Variants in LNX1 observed in about 807,000 individuals in gnomAD.
LNX1 encodes the protein E3 ubiquitin-protein ligase LNX.
LNX1 carries 54 observed loss-of-function variants against 68.4 expected under a neutral mutation model. The ratio of observed to expected loss-of-function variants is 0.79; its 90% CI spans 0.63 to 0.99. The LOEUF (loss-of-function observed/expected upper bound fraction) is 0.99. LNX1 is among the 50% of genes least tolerant of loss of function. The pLI is 0.00. For synonymous variants in LNX1, 336 were observed against 350.0 expected, an observed-to-expected ratio of 0.96 and a Z score of 0.45; for missense variants, 906 against 926.4, an observed-to-expected ratio of 0.98 and a Z score of 0.29.
chr4:53,468,717 C>T (rs1427055466), intron 9 of LNX1, among the ~76,000 whole-genome samples: 2 of 152,062 alleles, frequency 1.3e-5, no homozygotes, highest in Non-Finnish European at 2.9e-5. Context: ...AGACTTTAAA[C>T]CAACAAAGAT....
chr4:53,584,739 C>T (rs1274465841), intron 1 of LNX1, among the ~76,000 whole-genome samples: 1 of 152,166 alleles, frequency 6.6e-6, no homozygotes, highest in African/African-American at 2.4e-5. Context: ...CTTAGATTTT[C>T]ACCAAGTAGA....
intron 2 of LNX1, among the ~76,000 whole-genome samples, chr4:53,564,992 G>C (rs1207493953): frequency 6.6e-6 from 1 of 152,176 alleles, no homozygotes; most frequent in African/African-American, 2.4e-5. Context: ...TGGCTCGGAG[G>C]GTCCTACCCC....
intron 2 of LNX1, among the ~76,000 whole-genome samples, chr4:53,541,136 C>CAAA (rs72599381): frequency 8.3e-5 from 2 of 24,112 alleles, no homozygotes; most frequent in Non-Finnish European, 2.2e-4. Flanking sequence ...GACTCTAACT[C>CAAA]AAAAAAAAAA....
chr4:53,591,409 G>A lies in LNX1; in HGVS notation c.-108C>T. On this transcript the variant is annotated 5_prime_UTR_variant, in exon 1 of 11. Coordinates refer to ENST00000263925, the MANE Select transcript of LNX1 (RefSeq NM_001126328.3). ...TCACCTCTTCAAGCGACTGTCTGGG[G>A]CTCTCCAAGCAGCAGCAGGCAGGCA... The A allele has an allele frequency of 1.0e-6, 1 of 985,740 alleles. No homozygotes were observed. Among genetic ancestry groups the A allele is most frequent in the Non-Finnish European group, 1.2e-6 (1 of 830,236 alleles). 61.1% of individuals were successfully genotyped at this position (985,740 alleles called of 1,614,324 possible).
chr4:53,649,839 G>T lies in LNX1; in HGVS notation c.-215+2329C>A, dbSNP rs1326463919. ...GTCTGCTTCCCACAGTGGACTGGGA[G>T]TTCCTTGAGGGTGGTGACTAAGGTT... On this transcript the variant is annotated intron_variant, in intron 1 of 2. Transcript: ENST00000507168. Among the ~76,000 whole-genome samples, 3 of 152,326 alleles carry T rather than the reference G, an allele frequency of 2.0e-5. No homozygotes were observed. In the East Asian group the frequency reaches 5.8e-4, roughly 29 times the overall value.
At chr4:53,584,069 A>G (rs1486418347) in intron 1 of LNX1, among the ~76,000 whole-genome samples, 1 of 152,234 alleles carries the variant, frequency 6.6e-6, no homozygotes, top group Non-Finnish European at 1.5e-5. Context: ...TCAGAGGGGT[A>G]TGGAAAAGAA....
intron 2 of LNX1, among the ~76,000 whole-genome samples, chr4:53,529,675 A>G (rs1482672564): frequency 3.3e-5 from 5 of 152,114 alleles, no homozygotes; most frequent in African/African-American, 1.2e-4. Flanking sequence ...AGTGTGAGAG[A>G]GTCAGGAGGA....
chr4:53,626,661 C>T (rs1282449533), intron 1 of LNX1, among the ~76,000 whole-genome samples: 2 of 152,100 alleles, frequency 1.3e-5, no homozygotes, highest in African/African-American at 4.8e-5. Flanking sequence ...TCTTCTCATT[C>T]AAAAGTTATT....
intron 6 of LNX1, among the ~76,000 whole-genome samples, chr4:53,493,590 C>G (rs937422928): frequency 6.6e-6 from 1 of 152,204 alleles, no homozygotes; most frequent in African/African-American, 2.4e-5. Context: ...CAGCACCTAC[C>G]TGAAAGAATC....
intron 2 of LNX1, among the ~76,000 whole-genome samples, chr4:53,597,943 T>A (rs1304008872): frequency 6.6e-6 from 1 of 152,160 alleles, no homozygotes; most frequent in African/African-American, 2.4e-5. Context: ...ATTGCCTAGA[T>A]CAATGTTATG....
At chr4:53,625,344 A>G (rs886724221) in intron 1 of LNX1, among the ~76,000 whole-genome samples, 2 of 152,242 alleles carry the variant, frequency 1.3e-5, no homozygotes, top group African/African-American at 4.8e-5. Context: ...TATGTTCACA[A>G]TATATACAGA....
chr4:53,545,714 T>A (rs1041270130), intron 2 of LNX1, among the ~76,000 whole-genome samples: 2 of 152,034 alleles, frequency 1.3e-5, no homozygotes, highest in African/African-American at 4.8e-5. Flanking sequence ...GATTTAAGGA[T>A]GAGAGGCTTG....
chr4:53,550,769 C>G (rs1407631712), intron 2 of LNX1, among the ~76,000 whole-genome samples: 2 of 152,136 alleles, frequency 1.3e-5, no homozygotes, highest in African/African-American at 4.8e-5. Context: ...GGCCCAATAC[C>G]TGGCCCAGGT....
At chr4:53,575,393 G>T (rs190501904) in intron 1 of LNX1, 1 of 535,440 alleles carries the variant, frequency 1.9e-6, no homozygotes, top group Non-Finnish European at 2.4e-6. Flanking sequence ...CATCTAGGAA[G>T]TCTCTTGCGT....
intron 2 of LNX1, among the ~76,000 whole-genome samples, chr4:53,555,878 G>A (rs1284857720): frequency 1.3e-5 from 2 of 152,160 alleles, no homozygotes; most frequent in Non-Finnish European, 2.9e-5. Flanking sequence ...TTATGTACTT[G>A]TAGAAGAGAA....
chr4:53,577,645 C>A (rs1731580969), intron 1 of LNX1, among the ~76,000 whole-genome samples: 1 of 152,050 alleles, frequency 6.6e-6, no homozygotes, highest in Non-Finnish European at 1.5e-5. Context: ...GAACTCCTGG[C>A]CTCAAGCAAT....
At position 53,507,487 on chromosome 4, in the gene LNX1, G is replaced by C. The variant is rs745494002; in HGVS notation, c.623-18C>G. The C allele has an allele frequency of 8.1e-6, 13 of 1,611,418 alleles. No homozygotes were observed. In the Admixed American group the frequency reaches 2.0e-4, roughly 25 times the overall value. On this transcript the variant is annotated intron_variant, in intron 3 of 10. Transcript: ENST00000263925. ...GGGCCGTGCTGAGGAATAGCGACAG[G>C]AGGAACAGTAGTTATGATTTAATAG...
chr4:53,506,027 T>C (rs936948845), intron 4 of LNX1, among the ~76,000 whole-genome samples: 1 of 152,148 alleles, frequency 6.6e-6, no homozygotes, highest in Non-Finnish European at 1.5e-5. Flanking sequence ...CAAGAAAAGG[T>C]CTGATAAGGC....
At chr4:53,462,908 A>T (rs566431677) in intron 9 of LNX1, among the ~76,000 whole-genome samples, 2 of 152,268 alleles carry the variant, frequency 1.3e-5, no homozygotes, top group East Asian at 3.9e-4. Flanking sequence ...GTGTCACATA[A>T]CACACTTTAC....
Sources: gnomAD v4.1 joint callset for allele counts (sites outside exome capture counted in the v4.1 genomes callset) on GRCh38, gnomAD v4.1.1 for gene constraint, MANE v1.5 for transcripts, NCBI Gene and HGNC (gene_info 2026-07-23, HGNC 2026-07-21) for gene names.